RSF1: variants seen among roughly 807,000 people sequenced by gnomAD.
RSF1 encodes HBV pX-associated protein 8.
Under a neutral mutation model 145.2 loss-of-function variants are expected in RSF1, and 13 were observed. That is an observed-to-expected ratio of 0.09 (90% CI 0.06 to 0.14). The LOEUF (loss-of-function observed/expected upper bound fraction) is 0.14, where lower values mean the gene tolerates loss of function less well. Ranked by LOEUF, RSF1 falls within the 10% of genes least tolerant of loss-of-function variation. The pLI is 1.00. For synonymous variants in RSF1, 577 were observed against 592.6 expected (o/e 0.97, Z 0.38); for missense variants, 1,517 against 1,718.2 (o/e 0.88, Z 2.07).
chr11:77,821,699 G>C (rs1009982011), upstream of RSF1, among the ~76,000 whole-genome samples: 1 of 151,730 alleles, frequency 6.6e-6, no homozygotes. Context: ...CGAAAAGTTT[G>C]TTAGAAGACA....
intron 8 of RSF1, 103 bp downstream of exon 8, chr11:77,693,404 C>A: frequency 1.5e-6 from 1 of 686,578 alleles, no homozygotes; most frequent in Non-Finnish European, 2.6e-6. Flanking sequence ...ATACTATTTA[C>A]ACATTGCTTT....
the RSF1 span, among the ~76,000 whole-genome samples, chr11:77,847,092 T>C: frequency 6.6e-6 from 1 of 152,206 alleles, no homozygotes; most frequent in Non-Finnish European, 1.5e-5. Flanking sequence ...GAGCCATGAC[T>C]GAGCAGAAAT....
At chr11:77,815,758 T>C (rs1001816694) in intron 1 of RSF1, among the ~76,000 whole-genome samples, 1 of 139,692 alleles carries the variant, frequency 7.2e-6, no homozygotes, top group South Asian at 2.8e-4. Context: ...AAAAAAATAA[T>C]CCCCACAATA....
At chr11:77,667,791 C>T (rs1959409669) in intron 15 of RSF1, among the ~76,000 whole-genome samples, 1 of 152,152 alleles carries the variant, frequency 6.6e-6, no homozygotes, top group African/African-American at 2.4e-5. Context: ...GCAACCTCCG[C>T]CTCCTGGGTT....
At position 77,688,838 on chromosome 11, in the gene RSF1, A is replaced by C. The variant is rs17135816; in HGVS notation, c.2900+2321T>G. Among the ~76,000 whole-genome samples the C allele has an allele frequency of 4.3e-3, 662 of 152,318 alleles. 21 individuals carry two copies. In the East Asian group the frequency reaches 0.056, roughly 13 times the overall value. The stretch of plus-strand genomic sequence containing the variant: ...ATGTCCTAGTCAATTTGAGAGATTA[A>C]CTTGCCTTTAAACTAAGCAGCATCC... On this transcript the variant is annotated intron_variant, in intron 9 of 15. Transcript: ENST00000308488.
chr11:77,695,009 A>G (rs1960247243), intron 7 of RSF1, among the ~76,000 whole-genome samples: 1 of 152,184 alleles, frequency 6.6e-6, no homozygotes, highest in South Asian at 2.1e-4. Context: ...CATGTTATCA[A>G]TGACTTACTA....
chr11:77,769,768 A>G (rs1948263349), intron 1 of RSF1, among the ~76,000 whole-genome samples: 1 of 152,256 alleles, frequency 6.6e-6, no homozygotes, highest in Non-Finnish European at 1.5e-5. Context: ...GAATGGTAGA[A>G]ATGTACAGCA....
chr11:77,857,046 T>A, the RSF1 span, among the ~76,000 whole-genome samples: 1 of 152,228 alleles, frequency 6.6e-6, no homozygotes, highest in South Asian at 2.1e-4. Context: ...TAATTCACTA[T>A]GAAGTAATAG....
the RSF1 span, among the ~76,000 whole-genome samples, chr11:77,834,320 A>G: frequency 6.6e-6 from 1 of 152,210 alleles, no homozygotes; most frequent in Non-Finnish European, 1.5e-5. Context: ...AAGTTTCTAC[A>G]GAAGTAAACA....
At chr11:77,807,893 G>A (rs543252921) in intron 1 of RSF1, among the ~76,000 whole-genome samples, 2 of 152,270 alleles carry the variant, frequency 1.3e-5, no homozygotes, top group African/African-American at 4.8e-5. Flanking sequence ...GTAAATGGAA[G>A]TCATGGCAGT....
intron 1 of RSF1, among the ~76,000 whole-genome samples, chr11:77,820,114 G>C (rs911599055): frequency 6.6e-6 from 1 of 152,156 alleles, no homozygotes; most frequent in Non-Finnish European, 1.5e-5. Context: ...GGAGGGGAGG[G>C]AGTAAGGGTG....
At chr11:77,800,436 G>A (rs149953114) in intron 1 of RSF1, among the ~76,000 whole-genome samples, 337 of 152,068 alleles carry the variant, frequency 2.2e-3, no homozygotes, top group African/African-American at 7.3e-3. Context: ...AGGTTGCAGT[G>A]AGCTGAGATC....
chr11:77,813,661 T>G, intron 1 of RSF1: 3 of 544,740 alleles, frequency 5.5e-6, no homozygotes, highest in Non-Finnish European at 1.0e-5. Flanking sequence ...GTTTTTCCGG[T>G]AACCTTCAAA....
At chr11:77,765,249 T>C (rs765300937) in intron 1 of RSF1, among the ~76,000 whole-genome samples, 7 of 152,166 alleles carry the variant, frequency 4.6e-5, no homozygotes, top group Admixed American at 1.3e-4. Context: ...CATACATTCA[T>C]AGAATTAGAA....
At chr11:77,713,092 C>G (rs1179320880) in intron 5 of RSF1, among the ~76,000 whole-genome samples, 1 of 152,188 alleles carries the variant, frequency 6.6e-6, no homozygotes, top group Non-Finnish European at 1.5e-5. Context: ...TGGGGTGTCA[C>G]TGCTCTTAGA....
rs1961204177 is a variant in RSF1 at position 77,731,403 on chromosome 11, A to G, written c.579-5704T>C. Among the ~76,000 whole-genome samples, 3 of 152,348 alleles carry G rather than the reference A, an allele frequency of 2.0e-5. No homozygotes were observed. In the South Asian group the frequency reaches 6.2e-4, roughly 32 times the overall value. ...AGGGAAGCAGAGTATAAAAGTTTAG[A>G]AAATTTGCAGCCTGGCAATGTGACA... On this transcript the variant is annotated intron_variant, in intron 4 of 15. Coordinates refer to ENST00000308488, the MANE Select transcript of RSF1 (RefSeq NM_016578.4).
chr11:77,815,857 C>T (rs541391848), intron 1 of RSF1, among the ~76,000 whole-genome samples: 1 of 152,246 alleles, frequency 6.6e-6, no homozygotes, highest in East Asian at 1.9e-4. Flanking sequence ...TACCTTCTTA[C>T]CGGTGAGGTC....
chr11:77,693,143 A>C (rs1960198805), intron 8 of RSF1, among the ~76,000 whole-genome samples: 1 of 152,242 alleles, frequency 6.6e-6, no homozygotes, highest in Admixed American at 6.5e-5. Context: ...ACCATCTACA[A>C]AACTACTGAC....
At chr11:77,820,112 G>C (rs73495920) in intron 1 of RSF1, among the ~76,000 whole-genome samples, 2 of 152,168 alleles carry the variant, frequency 1.3e-5, no homozygotes, top group African/African-American at 2.4e-5. Flanking sequence ...GAGGAGGGGA[G>C]GGAGTAAGGG....
Sources: gnomAD v4.1 joint callset for allele counts (sites outside exome capture counted in the v4.1 genomes callset) on GRCh38, gnomAD v4.1.1 for gene constraint, MANE v1.5 for transcripts, NCBI Gene and HGNC (gene_info 2026-07-23, HGNC 2026-07-21) for gene names.